Variants in FAXC observed in about 807,000 individuals in gnomAD.
The protein encoded by FAXC is failed axon connections homolog, metaxin like GST domain containing.
A neutral mutation model predicts 41.9 loss-of-function variants in FAXC; 10 were observed. That is an observed-to-expected ratio of 0.24 (90% confidence interval 0.15 to 0.41). The LOEUF is 0.41. FAXC is among the 10% of genes least tolerant of loss of function. The pLI is 1.00. For missense variants in FAXC, 399 were observed against 510.9 expected, an observed-to-expected ratio of 0.78 and a Z score of 2.11; for synonymous variants, 183 against 183.8, an observed-to-expected ratio of 1.00 and a Z score of 0.03.
chr6:99,294,586 GT>G (rs1285883360), intron 4 of FAXC, among the ~76,000 whole-genome samples: 1 of 151,840 alleles, frequency 6.6e-6, no homozygotes, highest in African/African-American at 2.4e-5. Flanking sequence ...GTGTGTGTGT[GT>G]TTTTTTAAGA....
chr6:99,309,931 A>C, intron 4 of FAXC: 2 of 984,054 alleles, frequency 2.0e-6, no homozygotes, highest in African/African-American at 3.5e-5. Context: ...CACCAACGTA[A>C]ACACACAGAA....
chr6:99,285,606 T>A (rs1434364790), intron 5 of FAXC, among the ~76,000 whole-genome samples: 1 of 152,212 alleles, frequency 6.6e-6, no homozygotes, highest in East Asian at 1.9e-4. Context: ...ATAAACTTTT[T>A]AAACTATACC....
At position 99,349,481 on chromosome 6, in the gene FAXC, G is replaced by GA. The variant is rs1773720918; in HGVS notation, c.-110_-109insT. The GA allele has an allele frequency of 3.6e-6, 3 of 826,158 alleles. No individual in the cohort carries two copies. The highest frequency in any genetic ancestry group is 3.7e-5 in the African/African-American group (2 of 53,568). 51.2% of individuals were successfully genotyped at this position (826,158 alleles called of 1,614,324 possible). On this transcript the variant is annotated 5_prime_UTR_variant, in exon 1 of 6. Transcript: ENST00000389677. ...GAGGCGCGCGGAGGGCGCGGGCGGC[G>GA]CGGGCGGCGGCGACTGAGGAGGCGG...
intron 4 of FAXC, among the ~76,000 whole-genome samples, chr6:99,309,456 T>G: frequency 6.6e-6 from 1 of 152,326 alleles, no homozygotes. Context: ...ACTAATTTTT[T>G]CATTTTCATG....
chr6:99,299,451 T>C (rs1455461486), intron 4 of FAXC, among the ~76,000 whole-genome samples: 2 of 152,276 alleles, frequency 1.3e-5, no homozygotes, highest in East Asian at 1.9e-4. Context: ...TAAAGTACAA[T>C]TGTGTGTTTT....
intron 4 of FAXC, among the ~76,000 whole-genome samples, chr6:99,311,862 C>T (rs917238498): frequency 6.6e-6 from 1 of 152,182 alleles, no homozygotes; most frequent in South Asian, 2.1e-4. Context: ...TTCTCCCCTC[C>T]CTCTTATGCC....
chr6:99,310,720 A>T (rs1263348788), intron 4 of FAXC, among the ~76,000 whole-genome samples: 1 of 152,184 alleles, frequency 6.6e-6, no homozygotes, highest in Non-Finnish European at 1.5e-5. Flanking sequence ...TTCTTCTCTG[A>T]TCTCTGTTCC....
intron 4 of FAXC, among the ~76,000 whole-genome samples, chr6:99,309,597 C>T (rs1454636617): frequency 6.6e-6 from 1 of 152,174 alleles, no homozygotes; most frequent in East Asian, 1.9e-4. Flanking sequence ...GTCCCACAAT[C>T]CCCAGCTATT....
intron 4 of FAXC, among the ~76,000 whole-genome samples, chr6:99,303,759 TA>T (rs2128454044): frequency 6.6e-6 from 1 of 152,236 alleles, no homozygotes; most frequent in South Asian, 2.1e-4. Flanking sequence ...CTCTCTCCCA[TA>T]AAAAATAACT....
At chr6:99,297,194 T>C (rs1202925401) in intron 4 of FAXC, among the ~76,000 whole-genome samples, 2 of 152,102 alleles carry the variant, frequency 1.3e-5, no homozygotes, top group African/African-American at 4.8e-5. Context: ...ACTTCTGTCA[T>C]GGGCAGCCAC....
chr6:99,318,958 T>C (rs965142734), intron 4 of FAXC, among the ~76,000 whole-genome samples: 1 of 152,176 alleles, frequency 6.6e-6, no homozygotes, highest in African/African-American at 2.4e-5. Context: ...TTGCTCTTTA[T>C]TGACTCTCAT....
In FAXC at chr6:99,316,174, A is replaced by G. The variant is rs1772344017; in HGVS notation, c.823+7270T>C. The stretch of plus-strand genomic sequence containing the variant: ...ACCCACTCGCCCCCCCCCACCCACA[A>G]GGGGTTGCCCCCTTAACATTCCTGA... On this transcript the variant is annotated intron_variant, in intron 4 of 5. Transcript: ENST00000389677. Among the ~76,000 whole-genome samples, 3 of 140,218 alleles carry G rather than the reference A, an allele frequency of 2.1e-5. No homozygotes were observed. The South Asian group carries it at 7.3e-4, about 34-fold the overall frequency. 92.0% of individuals were successfully genotyped at this position (140,218 alleles called of 152,430 possible).
chr6:99,333,325 A>G, intron 3 of FAXC, 26 bp downstream of exon 3: 9 of 1,560,366 alleles, frequency 5.8e-6, no homozygotes, highest in Non-Finnish European at 7.8e-6. Flanking sequence ...CTTCGAAAGG[A>G]CGGGGACACC....
At chr6:99,315,876 G>A (rs878988987) in intron 4 of FAXC, among the ~76,000 whole-genome samples, 2 of 152,096 alleles carry the variant, frequency 1.3e-5, no homozygotes, top group African/African-American at 2.4e-5. Context: ...AACTGAAACT[G>A]TATTTTTCTT....
intron 5 of FAXC, among the ~76,000 whole-genome samples, chr6:99,286,665 C>T (rs1397846877): frequency 6.6e-6 from 1 of 152,206 alleles, no homozygotes; most frequent in Non-Finnish European, 1.5e-5. Context: ...CTTGACCCAT[C>T]ATGGCTTCAA....
chr6:99,338,947 C>T (rs544535908), intron 2 of FAXC, among the ~76,000 whole-genome samples: 4 of 152,260 alleles, frequency 2.6e-5, no homozygotes, highest in South Asian at 2.1e-4. Flanking sequence ...TGCCCCAATC[C>T]GAAGTCTGGA....
chr6:99,322,181 A>C (rs1772617127), intron 4 of FAXC, among the ~76,000 whole-genome samples: 1 of 152,212 alleles, frequency 6.6e-6, no homozygotes, highest in African/African-American at 2.4e-5. Flanking sequence ...GAGCTTTTGA[A>C]GGAGTCCAGC....
intron 5 of FAXC, among the ~76,000 whole-genome samples, chr6:99,287,749 T>C (rs900142988): frequency 2.0e-5 from 3 of 152,214 alleles, no homozygotes; most frequent in Admixed American, 6.5e-5. Flanking sequence ...CCTTCTCATG[T>C]TACTTCTTGA....
Position 99,349,153 on chromosome 6 carries a change from A to G in FAXC, c.220T>C (p.Leu74=). The G allele has an allele frequency of 1.2e-6, 2 of 1,613,710 alleles. No individual in the cohort carries two copies. Among genetic ancestry groups the G allele is most frequent in the Non-Finnish European group, 1.7e-6 (2 of 1,179,980 alleles). ...KKTLYLTGGA[L]LAAAAYLLHE... ...AGCAGATACGCAGCTGCGGCCAGCA[A>G]AGCTCCCCCGGTCAAGTAAAGGGTT... The change falls in exon 1 of 6, where the codon TTG becomes CTG. Residue 74 remains leucine (L), a synonymous_variant. Transcript: ENST00000389677.
Sources: allele counts gnomAD v4.1 joint callset (sites outside exome capture counted in the v4.1 genomes callset), GRCh38; gene constraint gnomAD v4.1.1; transcripts MANE v1.5; gene names NCBI Gene and HGNC (gene_info 2026-07-23, HGNC 2026-07-21).